Variants in PATL1 observed in about 807,000 individuals in gnomAD.
The protein encoded by PATL1 is protein PAT1 homolog 1.
PATL1 carries 32 observed loss-of-function variants against 100.6 expected under a neutral mutation model. That is an observed-to-expected ratio of 0.32 (90% CI 0.24 to 0.43). The LOEUF is 0.43. Ranked by LOEUF, PATL1 falls within the 20% of genes least tolerant of loss-of-function variation. The pLI, the probability that PATL1 is intolerant of heterozygous loss-of-function variation, is 1.00. For synonymous variants in PATL1, 332 were observed against 330.0 expected (o/e 1.01, Z -0.07); for missense variants, 747 against 949.9 (o/e 0.79, Z 2.81).
intron 2 of PATL1, among the ~76,000 whole-genome samples, chr11:59,661,566 T>C (rs1337407511): frequency 6.6e-6 from 1 of 152,242 alleles, no homozygotes; most frequent in Non-Finnish European, 1.5e-5. Flanking sequence ...ATCCTTTATA[T>C]GTTTTATAAA....
rs1311842735 is a variant in PATL1 at position 59,637,647 on chromosome 11, A to G, written c.*743T>C. On this transcript the variant is annotated 3_prime_UTR_variant, in exon 19 of 19. Transcript: ENST00000300146. The stretch of plus-strand genomic sequence containing the variant: ...ATTAAGGTGGACAGAAACTAAGGAA[A>G]TAAAGGTGGGAAGAAGAAAAAGGAC... 6.6e-6 allele frequency: 1 copy of G among 152,440 alleles called. No individual in the cohort carries two copies. Among genetic ancestry groups the G allele is most frequent in the Non-Finnish European group, 1.5e-5 (1 of 68,074 alleles). 9.4% of individuals were successfully genotyped at this position (152,440 alleles called of 1,614,324 possible). A position where few individuals can be genotyped will look rare whatever the true frequency, so the allele number is the denominator to read the frequency against.
chr11:59,666,777 T>C, intron 2 of PATL1, 76 bp downstream of exon 2: 1 of 1,435,276 alleles, frequency 7.0e-7, no homozygotes, highest in Non-Finnish European at 9.4e-7. Flanking sequence ...CCTAATAAGA[T>C]AAAGCACTTC....
intron 8 of PATL1, 70 bp from the exon 9 acceptor site, chr11:59,654,142 A>G (rs1861487850): frequency 2.3e-6 from 3 of 1,313,514 alleles, no homozygotes; most frequent in Non-Finnish European, 3.3e-6. Context: ...GAATGTTGTC[A>G]GTAGAGGATA....
At chr11:59,657,759 A>G in intron 4 of PATL1, 35 bp from the exon 5 acceptor site, 1 of 1,488,588 alleles carries the variant, frequency 6.7e-7, no homozygotes, top group Non-Finnish European at 9.1e-7. Context: ...AATAGAAATT[A>G]ACTAACTTGG....
chr11:59,638,420 A>T lies in PATL1; in HGVS notation c.2292-9T>A. 1 of 1,610,684 alleles carries T rather than the reference A, an allele frequency of 6.2e-7. No individual in the cohort carries two copies. Among genetic ancestry groups the T allele is most frequent in the Non-Finnish European group, 8.5e-7 (1 of 1,177,480 alleles). ...GTATCCCCTGAACTAGCCTAGGAGT[A>T]CAAAGGAGAGAAAGGAAAATTGTAT... On this transcript the variant is annotated splice_polypyrimidine_tract_variant and intron_variant, in intron 18 of 18. Transcript: ENST00000300146.
chr11:59,660,315 T>C (rs1303501088), intron 2 of PATL1, among the ~76,000 whole-genome samples: 1 of 152,194 alleles, frequency 6.6e-6, no homozygotes, highest in Non-Finnish European at 1.5e-5. Flanking sequence ...ACACAGAGAT[T>C]CTGCCTTCAT....
intron 2 of PATL1, among the ~76,000 whole-genome samples, chr11:59,664,072 T>G (rs377582282): frequency 1.3e-5 from 2 of 152,182 alleles, no homozygotes; most frequent in African/African-American, 4.8e-5. Flanking sequence ...CTCTATATTA[T>G]TATAAACTTT....
At chr11:59,648,587 A>T (rs1044256564) in intron 14 of PATL1, among the ~76,000 whole-genome samples, 2 of 152,130 alleles carry the variant, frequency 1.3e-5, no homozygotes, top group African/African-American at 4.8e-5. Flanking sequence ...ACCATTTTAA[A>T]CAACATTTTG....
intron 9 of PATL1, 139 bp from the exon 10 acceptor site, chr11:59,653,157 A>C (rs184824310): frequency 3.2e-5 from 23 of 708,026 alleles, no homozygotes; most frequent in Admixed American, 1.1e-4. Context: ...GTGAAAAAGA[A>C]CTAAGTCTTA....
intron 2 of PATL1, among the ~76,000 whole-genome samples, chr11:59,663,808 C>G (rs983183800): frequency 6.6e-6 from 1 of 152,010 alleles, no homozygotes; most frequent in Admixed American, 6.6e-5. Flanking sequence ...ATTCCAGATG[C>G]CCGCTATATG....
intron 2 of PATL1, among the ~76,000 whole-genome samples, chr11:59,665,429 C>T (rs1434585682): frequency 1.3e-5 from 2 of 152,208 alleles, no homozygotes; most frequent in East Asian, 1.9e-4. Flanking sequence ...TGAACATAAA[C>T]GCTGTTATTG....
chr11:59,638,964 T>G, intron 18 of PATL1, 84 bp downstream of exon 18: 1 of 1,446,386 alleles, frequency 6.9e-7, no homozygotes, highest in Non-Finnish European at 9.4e-7. Context: ...ATTACAGGTG[T>G]GAGCCACCGT....
At chr11:59,645,355 G>A (rs1217163274) in intron 15 of PATL1, among the ~76,000 whole-genome samples, 3 of 139,636 alleles carry the variant, frequency 2.1e-5, no homozygotes, top group South Asian at 2.4e-4. Context: ...CAGTAGGGGC[G>A]GCCAGGCAGA....
At position 59,659,083 on chromosome 11, in the gene PATL1, T is replaced by C. The variant is rs75812555; in HGVS notation, c.346-137A>G. ...AAATTATAGGGCTCCAGAATATACA[T>C]TATTCCCCAAGTTTATCTCTAGAAC... is the stretch of plus-strand genomic sequence containing the variant. On this transcript the variant is annotated intron_variant, in intron 3 of 18. Coordinates refer to ENST00000300146, the MANE Select transcript of PATL1 (RefSeq NM_152716.3). 4.1e-3 allele frequency: 4,118 copies of C among 1,004,870 alleles called. 118 individuals carry two copies. The African/African-American group carries it at 0.058, about 14-fold the overall frequency. 62.2% of individuals were successfully genotyped at this position (1,004,870 alleles called of 1,614,324 possible).
At chr11:59,664,066 A>G (rs1321281307) in intron 2 of PATL1, among the ~76,000 whole-genome samples, 1 of 152,132 alleles carries the variant, frequency 6.6e-6, no homozygotes, top group Non-Finnish European at 1.5e-5. Context: ...TCTTTTCTCT[A>G]TATTATTATA....
chr11:59,649,375 G>A (rs1861409255), intron 14 of PATL1, 87 bp downstream of exon 14: 1 of 1,408,688 alleles, frequency 7.1e-7, no homozygotes, highest in East Asian at 2.3e-5. Flanking sequence ...GTAGGGAAGT[G>A]TACCTAAAAG....
At chr11:59,665,249 C>G (rs1861671176) in intron 2 of PATL1, among the ~76,000 whole-genome samples, 1 of 152,186 alleles carries the variant, frequency 6.6e-6, no homozygotes, top group Non-Finnish European at 1.5e-5. Flanking sequence ...CACTGCAAAA[C>G]CAGTGACCAT....
chr11:59,657,713 T>C lies in PATL1; in HGVS notation c.438A>G (p.Thr146=). Residue 146 remains threonine, a synonymous_variant, in exon 5 of 19, where the codon ACA becomes ACG. Coordinates refer to ENST00000300146, the MANE Select transcript of PATL1 (RefSeq NM_152716.3). ...RGPLLAQEMP[T]VSVLEYALPQ... The stretch of plus-strand genomic sequence containing the variant: ...GCAAAGCATATTCTAATACAGACAC[T>C]GTAGGCATTTCCTAATTGAGGAAGT... The C allele has an allele frequency of 6.3e-7, 1 of 1,586,010 alleles. No individual in the cohort carries two copies. Among genetic ancestry groups the C allele is most frequent in the Non-Finnish European group, 8.6e-7 (1 of 1,163,586 alleles).
At chr11:59,650,395 C>T (rs993869074) in intron 13 of PATL1, among the ~76,000 whole-genome samples, 4 of 152,166 alleles carry the variant, frequency 2.6e-5, no homozygotes, top group Non-Finnish European at 5.9e-5. Flanking sequence ...GAATAGTGCC[C>T]AGTAAATATC....
Sources: gnomAD v4.1 joint callset for allele counts (sites outside exome capture counted in the v4.1 genomes callset) on GRCh38, gnomAD v4.1.1 for gene constraint, MANE v1.5 for transcripts, NCBI Gene and HGNC (gene_info 2026-07-23, HGNC 2026-07-21) for gene names.